Variants in SLC25A27 observed in about 807,000 individuals in gnomAD.
SLC25A27 encodes the protein solute carrier family 25 member 27, also known as mitochondrial uncoupling protein 4.
A neutral mutation model predicts 49.1 loss-of-function variants in SLC25A27; 35 were observed. The ratio of observed to expected loss-of-function variants is 0.71; its 90% CI spans 0.54 to 0.95. SLC25A27 has a LOEUF of 0.95. Ranked by LOEUF, SLC25A27 falls within the 40% of genes least tolerant of loss-of-function variation. The pLI, the probability that SLC25A27 is intolerant of heterozygous loss-of-function variation, is 0.00. For synonymous variants in SLC25A27, 144 were observed against 136.9 expected (o/e 1.05, Z -0.36); for missense variants, 339 against 397.1 (o/e 0.85, Z 1.24).
chr6:46,653,546 T>C, intron 1 of SLC25A27: 1 of 985,474 alleles, frequency 1.0e-6, no homozygotes. Context: ...TTGAATGTTG[T>C]ACTTTAAGAA....
chr6:46,675,449 CT>C (rs1194842186), intron 8 of SLC25A27, among the ~76,000 whole-genome samples: 3 of 151,728 alleles, frequency 2.0e-5, no homozygotes, highest in Non-Finnish European at 4.4e-5. Flanking sequence ...AAGATATATT[CT>C]CCTAAATCCA....
chr6:46,665,948 T>A lies in SLC25A27; in HGVS notation c.619+1062T>A, dbSNP rs2016368. Among the ~76,000 whole-genome samples the A allele has an allele frequency of 9.5e-4, 144 of 152,340 alleles. 3 individuals are homozygous for A. Among genetic ancestry groups the A allele is most frequent in the Admixed American group, 8.5e-3 (130 of 15,306 alleles). On this transcript the variant is annotated intron_variant, in intron 5 of 8. Coordinates refer to ENST00000371347, the MANE Select transcript of SLC25A27 (RefSeq NM_004277.5). ...ACAAAATAAAGTGGAAATTTTGGAA[T>A]GTGACTTAGAAGATCTGCAAAATCT...
intron 8 of SLC25A27, among the ~76,000 whole-genome samples, chr6:46,673,882 G>A (rs1337256189): frequency 1.3e-5 from 2 of 152,152 alleles, no homozygotes; most frequent in Non-Finnish European, 2.9e-5. Flanking sequence ...AAGAAAGGAA[G>A]TTCTAGCAAT....
chr6:46,670,302 ATTT>A, intron 7 of SLC25A27, 75 bp downstream of exon 7: 1 of 925,374 alleles, frequency 1.1e-6, no homozygotes, highest in Non-Finnish European at 1.7e-6. Context: ...GCATCTCTGC[ATTT>A]TTTATTGATA....
At chr6:46,666,247 C>A (rs1378307696) in intron 5 of SLC25A27, among the ~76,000 whole-genome samples, 3 of 152,158 alleles carry the variant, frequency 2.0e-5, no homozygotes, top group African/African-American at 7.2e-5. Flanking sequence ...GTTTCTATAG[C>A]TATTATTGCT....
At chr6:46,675,625 A>G (rs148791344) in intron 8 of SLC25A27, among the ~76,000 whole-genome samples, 1 of 152,312 alleles carries the variant, frequency 6.6e-6, no homozygotes, top group Non-Finnish European at 1.5e-5. Context: ...TTCAATTTTG[A>G]TTAGAACTGA....
At chr6:46,664,034 C>T (rs1273684448) in intron 4 of SLC25A27, among the ~76,000 whole-genome samples, 1 of 152,080 alleles carries the variant, frequency 6.6e-6, no homozygotes, top group Non-Finnish European at 1.5e-5. Context: ...TATGTGTGTC[C>T]AATAAATATG....
rs765052707 is a variant in SLC25A27, at chr6:46,655,845, A to G, written c.109A>G (p.Thr37Ala). Reference protein sequence around the residue: ...GCAATVAELATFPLDLTKTRL... With the variant: ...GCAATVAELAAFPLDLTKTRL... ...CCCTGCATTTGTGTTTTTGTTAGCAACCTTTCCCCTGGATCTCACAAAAAC... is the reference window on the plus strand; with the variant it reads ...CCCTGCATTTGTGTTTTTGTTAGCAGCCTTTCCCCTGGATCTCACAAAAAC... The change falls in exon 2 of 9, where the codon ACC becomes GCC. Residue 37 changes from threonine to alanine, a missense_variant and splice_region_variant. By Grantham distance (58) the Thr-to-Ala change is moderately conservative. Coordinates refer to ENST00000371347, the MANE Select transcript of SLC25A27 (RefSeq NM_004277.5). 1 of 1,610,978 alleles carries G rather than the reference A, an allele frequency of 6.2e-7. No individual in the cohort carries two copies.
At chr6:46,657,791 G>C (rs1763036200) in intron 2 of SLC25A27, among the ~76,000 whole-genome samples, 1 of 152,148 alleles carries the variant, frequency 6.6e-6, no homozygotes, top group Admixed American at 6.5e-5. Flanking sequence ...TCTGAAAGAG[G>C]ACAGAGTTCA....
At position 46,653,203 on chromosome 6, in the gene SLC25A27, C is replaced by CGG; in HGVS notation, c.12_13dup (p.Glu5GlyfsTer10). The CGG allele has an allele frequency of 6.2e-7, 1 of 1,613,314 alleles. No homozygotes were observed. Among genetic ancestry groups the CGG allele is most frequent in the Non-Finnish European group, 8.5e-7 (1 of 1,179,534 alleles). ...TTGCGCTACTGCTGAATGTCCGTCCCGGAGGAGGAGGAGAGGCTTTTGCCG... is the reference window on the plus strand; with the variant it reads ...TTGCGCTACTGCTGAATGTCCGTCCCGGGGAGGAGGAGGAGAGGCTTTTGCCG... On this transcript the variant is annotated frameshift_variant, in exon 1 of 9. Transcript: ENST00000371347. LOFTEE classifies it high-confidence loss of function.
At chr6:46,655,251 A>C (rs571707774) in intron 1 of SLC25A27, among the ~76,000 whole-genome samples, 1 of 152,298 alleles carries the variant, frequency 6.6e-6, no homozygotes, top group Non-Finnish European at 1.5e-5. Context: ...TGTATCTCAA[A>C]CATTATGTCA....
In SLC25A27 at chr6:46,655,920, G is replaced by A; in HGVS notation, c.184G>A (p.Ala62Thr). The A allele has an allele frequency of 6.2e-7, 1 of 1,613,888 alleles. No individual in the cohort carries two copies. The highest frequency in any genetic ancestry group is 8.5e-7 in the Non-Finnish European group (1 of 1,179,952). ...EAALARLGDG[A>T]RESAPYRGMV... ...AGCTCTTGCTCGGTTGGGAGACGGT[G>A]CAAGAGAATCTGCCCCCTATAGGGG... Residue 62 changes from alanine (A) to threonine (T), a missense_variant, in exon 2 of 9, where the codon GCA becomes ACA. By Grantham distance (58) the Ala-to-Thr change is moderately conservative. Coordinates refer to ENST00000371347, the MANE Select transcript of SLC25A27 (RefSeq NM_004277.5).
At chr6:46,658,463 A>AT in intron 2 of SLC25A27, 1 of 436,914 alleles carries the variant, frequency 2.3e-6, no homozygotes, top group Non-Finnish European at 4.5e-6. Context: ...TAGCTGAAAA[A>AT]TTACAATAAA....
chr6:46,660,331 G>A (rs1013097651), intron 3 of SLC25A27, among the ~76,000 whole-genome samples: 6 of 151,304 alleles, frequency 4.0e-5, no homozygotes, highest in African/African-American at 7.3e-5. Flanking sequence ...AAATATACAT[G>A]TTCATTAAAC....
At chr6:46,666,845 A>G (rs541222702) in intron 5 of SLC25A27, among the ~76,000 whole-genome samples, 2 of 152,182 alleles carry the variant, frequency 1.3e-5, no homozygotes, top group South Asian at 4.1e-4. Context: ...GCAGAAACTC[A>G]GGCATGATTT....
chr6:46,662,652 ATCTTT>A (rs1268789005), intron 4 of SLC25A27, among the ~76,000 whole-genome samples, 154 bp downstream of exon 4: 10 of 152,202 alleles, frequency 6.6e-5, no homozygotes, highest in African/African-American at 2.2e-4. Context: ...ACTAAGCTGG[ATCTTT>A]TCTTTGCACT....
chr6:46,675,624 G>T (rs1297229627), intron 8 of SLC25A27, among the ~76,000 whole-genome samples: 1 of 152,102 alleles, frequency 6.6e-6, no homozygotes, highest in Non-Finnish European at 1.5e-5. Flanking sequence ...GTTCAATTTT[G>T]ATTAGAACTG....
intron 8 of SLC25A27, among the ~76,000 whole-genome samples, chr6:46,671,604 CA>C (rs1163739313): frequency 6.6e-6 from 1 of 151,850 alleles, no homozygotes; most frequent in African/African-American, 2.4e-5. Flanking sequence ...AATACTGTTT[CA>C]AAAAAATTTG....
At chr6:46,656,142 A>T in intron 2 of SLC25A27, 108 bp downstream of exon 2, 1 of 830,854 alleles carries the variant, frequency 1.2e-6, no homozygotes, top group South Asian at 1.8e-5. Context: ...TACTGATACA[A>T]TAACTGAACA....
Sources: allele counts gnomAD v4.1 joint callset (sites outside exome capture counted in the v4.1 genomes callset), GRCh38; gene constraint gnomAD v4.1.1; transcripts MANE v1.5; gene names NCBI Gene and HGNC (gene_info 2026-07-23, HGNC 2026-07-21).